The following ANKRD24 variants were observed in gnomAD, a reference collection of about 807,000 sequenced individuals.
The protein encoded by ANKRD24 is ankyrin repeat domain 24.
In ANKRD24, 109 loss-of-function variants were observed where a neutral mutation model predicts 127.8. The ratio of observed to expected loss-of-function variants is 0.85; its 90% confidence interval spans 0.73 to 1.00. The LOEUF (loss-of-function observed/expected upper bound fraction) is 1.00. Ranked by LOEUF, ANKRD24 falls within the 50% of genes least tolerant of loss-of-function variation. ANKRD24 has a pLI of 0.00. For synonymous variants in ANKRD24, 743 were observed against 671.1 expected, an observed-to-expected ratio of 1.11 and a Z score of -1.66; for missense variants, 1,648 against 1,570.2, an observed-to-expected ratio of 1.05 and a Z score of -0.84.
chr19:4,204,281 C>T (rs1378714661), intron 7 of ANKRD24, among the ~76,000 whole-genome samples: 6 of 151,860 alleles, frequency 4.0e-5, no homozygotes, highest in Non-Finnish European at 8.8e-5. Flanking sequence ...TTTTTATTAC[C>T]TACTGTGTGC....
chr19:4,224,286 G>A, intron 21 of ANKRD24, 94 bp downstream of exon 21: 1 of 1,437,136 alleles, frequency 7.0e-7, no homozygotes. Flanking sequence ...TGGGAGGCTG[G>A]TCTGGGGAGA....
At chr19:4,193,894 A>AGGAAGGAAGGAAGGAAGG (rs1968549844) in intron 2 of ANKRD24, among the ~76,000 whole-genome samples, 1 of 149,672 alleles carries the variant, frequency 6.7e-6, no homozygotes, top group Non-Finnish European at 1.5e-5. Flanking sequence ...GAAGGAAGGA[A>AGGAAGGAAGGAAGGAAGG]AAACTCCATG....
intron 2 of ANKRD24, among the ~76,000 whole-genome samples, chr19:4,196,159 G>A (rs1968723829): frequency 6.6e-6 from 1 of 152,184 alleles, no homozygotes; most frequent in Admixed American, 6.5e-5. Context: ...CTTCCTTGGT[G>A]CCTGTCCTAT....
In ANKRD24 at chr19:4,217,846, C is replaced by T. The variant is rs1313522949; in HGVS notation, c.2686C>T (p.Arg896Trp). Residue 896 changes from arginine (R) to tryptophan (W), a missense_variant, in exon 18 of 22, where the codon CGG becomes TGG. By Grantham distance (101) the Arg-to-Trp change is moderately radical. Coordinates refer to ENST00000318934, the MANE Select transcript of ANKRD24 (RefSeq NM_001393985.1). The stretch of plus-strand genomic sequence containing the variant: ...GCTGCCTGCGGCCTGCGAGGAGGCG[C>T]GGCAGGGCCTGGCCGAGCTGCGGGA... ...AELPAACEEA[R>W]QGLAELREAS... 9 of 1,441,486 alleles carry T rather than the reference C, an allele frequency of 6.2e-6. No homozygotes were observed. The highest frequency in any genetic ancestry group is 2.7e-5 in the Admixed American group (1 of 36,754). 89.3% of individuals were successfully genotyped at this position (1,441,486 alleles called of 1,614,324 possible).
chr19:4,186,568 C>G (rs1183971613), intron 2 of ANKRD24, 107 bp downstream of exon 2: 1 of 1,276,792 alleles, frequency 7.8e-7, no homozygotes, highest in Non-Finnish European at 1.1e-6. Flanking sequence ...CACCTCTTCT[C>G]CTTTCCTCTC....
At chr19:4,197,310 C>T (rs1421442343) in intron 2 of ANKRD24, among the ~76,000 whole-genome samples, 3 of 151,696 alleles carry the variant, frequency 2.0e-5, no homozygotes, top group African/African-American at 7.3e-5. Context: ...ATGGATGAGG[C>T]AATGAGTGAA....
chr19:4,215,977 G>A lies in ANKRD24; in HGVS notation c.1198-1G>A. On this transcript the variant is annotated splice_acceptor_variant, in intron 15 of 21. Coordinates refer to ENST00000318934, the MANE Select transcript of ANKRD24 (RefSeq NM_001393985.1). LOFTEE classifies it high-confidence loss of function. ...AGCTGGACTCTGCTCCCTCCCCCCA[G>A]AACGAGCGGGAGAATACTAGCTATG... 1 of 1,586,088 alleles carries A rather than the reference G, an allele frequency of 6.3e-7. No individual in the cohort carries two copies.
Position 4,194,758 on chromosome 19 carries a change from C to A in ANKRD24, c.37-4925C>A, listed in dbSNP as rs1372263067. On this transcript the variant is annotated intron_variant, in intron 2 of 21. Transcript: ENST00000318934. Reference sequence around the variant, plus strand: ...AGATGCATCCCAGAGGCAGAACCTGCAGTGATGGGGCTAGACTATGGTGGT... The same window carrying A: ...AGATGCATCCCAGAGGCAGAACCTGAAGTGATGGGGCTAGACTATGGTGGT... 2.0e-5 allele frequency among the ~76,000 whole-genome samples: 3 copies of A among 152,236 alleles called. No individual in the cohort carries two copies. In the East Asian group the frequency reaches 5.8e-4, roughly 29 times the overall value.
Position 4,217,459 on chromosome 19 carries a change from C to T in ANKRD24, c.2299C>T (p.Arg767Cys), listed in dbSNP as rs901213951. ...GGCCGAGGCAGGCCGGCTGCGAGAGCGTGTCCGCGAGGCCGAGGGCAGCGG... is the reference window on the plus strand; with the variant it reads ...GGCCGAGGCAGGCCGGCTGCGAGAGTGTGTCCGCGAGGCCGAGGGCAGCGG... ...AEAEAGRLRE[R>C]VREAEGSGAS... is the part of the protein sequence containing the mutation. Residue 767 changes from arginine (R) to cysteine (C), a missense_variant, in exon 18 of 22, where the codon CGT (arginine) becomes TGT (cysteine). Transcript: ENST00000318934. The T allele has an allele frequency of 4.0e-6, 6 of 1,499,572 alleles. No individual in the cohort carries two copies. Among genetic ancestry groups the T allele is most frequent in the East Asian group, 2.5e-5 (1 of 40,172 alleles). The allele number at this position is 1,499,572 out of a possible 1,614,324, so 92.9% of individuals were successfully genotyped here.
At position 4,186,413 on chromosome 19, in the gene ANKRD24, C is replaced by G; in HGVS notation, c.-13C>G. 1 of 1,585,732 alleles carries G rather than the reference C, an allele frequency of 6.3e-7. No individual in the cohort carries two copies. The highest frequency in any genetic ancestry group is 8.6e-7 in the Non-Finnish European group (1 of 1,166,024). On this transcript the variant is annotated 5_prime_UTR_variant, in exon 2 of 22. Coordinates refer to ENST00000318934, the MANE Select transcript of ANKRD24 (RefSeq NM_001393985.1). ...AGGTGGCCTGTGGAGAGGAGAAACA[C>G]AGGGCACCAACTATGAAGACTCTCA...
intron 20 of ANKRD24, among the ~76,000 whole-genome samples, chr19:4,223,390 TATATATATATA>T (rs1177575994): frequency 1.4e-4 from 12 of 87,496 alleles, no homozygotes; most frequent in African/African-American, 5.9e-4. Context: ...TATATATATA[TATATATATATA>T]TTTTTTTTTT....
chr19:4,207,434 A>T, intron 8 of ANKRD24, 67 bp from the exon 9 acceptor site: 1 of 1,575,636 alleles, frequency 6.3e-7, no homozygotes, highest in South Asian at 1.1e-5. Flanking sequence ...AAGGGCAGTT[A>T]TATAGGCTTC....
In ANKRD24 at chr19:4,200,140, TGGCAGCAATGTCATGAGCGCGGACGG is replaced by T. The variant is rs1178505929; in HGVS notation, c.318_343del (p.Ser106ArgfsTer57). The T allele has an allele frequency of 1.9e-6, 3 of 1,607,322 alleles. No individual in the cohort carries two copies. The Admixed American group carries it at 5.1e-5, about 27-fold the overall frequency. ...GCTGTCTGGAGGTGATGATAGCTCATGGCAGCAATGTCATGAGCGCGGACGGGGCAGGTACTGCCAGCTGGGCCCCG... is the reference window on the plus strand; with the variant it reads ...GCTGTCTGGAGGTGATGATAGCTCATGGCAGGTACTGCCAGCTGGGCCCCG... On this transcript the variant is annotated frameshift_variant, in exon 5 of 22. Coordinates refer to ENST00000318934, the MANE Select transcript of ANKRD24 (RefSeq NM_001393985.1). LOFTEE classifies it high-confidence loss of function.
intron 2 of ANKRD24, among the ~76,000 whole-genome samples, chr19:4,190,283 A>G (rs933163649): frequency 3.3e-5 from 5 of 151,730 alleles, no homozygotes; most frequent in Non-Finnish European, 7.4e-5. Context: ...AAAATACAAA[A>G]AATCAGCCGG....
At position 4,216,212 on chromosome 19, in the gene ANKRD24, C is replaced by G. The variant is rs1026809396; in HGVS notation, c.1271-72C>G. 5.5e-6 allele frequency: 8 copies of G among 1,457,746 alleles called. No individual in the cohort carries two copies. In the African/African-American group the frequency reaches 9.8e-5, roughly 18 times the overall value. 90.3% of individuals were successfully genotyped at this position (1,457,746 alleles called of 1,614,324 possible). ...AGCCTGCCCTGGGAACCCTGATCCA[C>G]CACTCCAGCCCCCCACCTCCTGTCC... On this transcript the variant is annotated intron_variant, in intron 16 of 21. Transcript: ENST00000318934.
At position 4,198,779 on chromosome 19, in the gene ANKRD24, G is replaced by T. The variant is rs2145274785; in HGVS notation, c.37-904G>T. On this transcript the variant is annotated intron_variant, in intron 2 of 21. Transcript: ENST00000318934. The surrounding 1 kb of genome is among the most constrained non-coding windows in gnomAD (Gnocchi z 6.1). ...AAATGGGGACATTTAGGAACATTTA[G>T]AGGGCATTGGGGGGTGCAGTTTTGG... Among the ~76,000 whole-genome samples the T allele has an allele frequency of 6.6e-6, 1 of 152,332 alleles. No homozygotes were observed. Among genetic ancestry groups the T allele is most frequent in the East Asian group, 1.9e-4 (1 of 5,186 alleles).
intron 9 of ANKRD24, 34 bp from the exon 10 acceptor site, chr19:4,207,747 T>A (rs751638416): frequency 2.6e-6 from 4 of 1,567,334 alleles, no homozygotes; most frequent in Non-Finnish European, 3.5e-6. Flanking sequence ...TTGGGGGATG[T>A]TCTCATCTCC....
At chr19:4,209,595 G>A (rs553840847) in intron 11 of ANKRD24, among the ~76,000 whole-genome samples, 4 of 152,018 alleles carry the variant, frequency 2.6e-5, no homozygotes, top group African/African-American at 7.3e-5. Context: ...GACTACAGGC[G>A]TGCGCCACCA....
At chr19:4,187,286 A>AC (rs1280212761) in intron 2 of ANKRD24, among the ~76,000 whole-genome samples, 1 of 152,094 alleles carries the variant, frequency 6.6e-6, no homozygotes, top group Non-Finnish European at 1.5e-5. Flanking sequence ...GGTGGCGGGC[A>AC]CCTGTAATCC....
Sources: allele counts gnomAD v4.1 joint callset (sites outside exome capture counted in the v4.1 genomes callset), GRCh38; gene constraint gnomAD v4.1.1; non-coding constraint Gnocchi (gnomAD v3.1); transcripts MANE v1.5; gene names NCBI Gene and HGNC (gene_info 2026-07-23, HGNC 2026-07-21).